Variants in FRMD5 observed in about 807,000 individuals in gnomAD.
FRMD5 encodes FERM domain containing 5, also known as FERM domain-containing protein 5.
In FRMD5, 20 loss-of-function variants were observed where a neutral mutation model predicts 69.0. The observed-to-expected ratio is 0.29, with a 90% CI of 0.20 to 0.42. The LOEUF (loss-of-function observed/expected upper bound fraction) is 0.42, where lower values mean the gene tolerates loss of function less well. Ranked by LOEUF, FRMD5 falls within the 10% of genes least tolerant of loss-of-function variation. The pLI is 1.00. For missense variants in FRMD5, 595 were observed against 708.6 expected, an observed-to-expected ratio of 0.84 and a Z score of 1.82; for synonymous variants, 271 against 260.1, an observed-to-expected ratio of 1.04 and a Z score of -0.40.
chr15:43,874,006 A>C lies in FRMD5; in HGVS notation c.1592T>G (p.Phe531Cys). 1 of 1,614,230 alleles carries C rather than the reference A, an allele frequency of 6.2e-7. No homozygotes were observed. The change falls in exon 14 of 14, where the codon TTT becomes TGT. Residue 531 changes from phenylalanine to cysteine, a missense_variant. Around this residue, in one of 5 missense-constraint regions of FRMD5, gnomAD observed 245 missense variants for 227.1 expected, o/e 1.08. Coordinates refer to ENST00000417257, the MANE Select transcript of FRMD5 (RefSeq NM_032892.5). ...ILTESDLDIA[F>C]FRDIRQTPEF... ...GGGGGTCTGGCGGATATCACGGAAA[A>C]AGGCAATGTCAAGGTCAGACTCGGT...
intron 1 of FRMD5, among the ~76,000 whole-genome samples, chr15:43,927,543 G>GAGGTATT (rs1213637884): frequency 6.6e-6 from 1 of 152,208 alleles, no homozygotes; most frequent in African/African-American, 2.4e-5. Context: ...AGAGCTTAAA[G>GAGGTATT]AGGTATTTCA....
At chr15:43,981,845 C>A (rs1165519520) in intron 1 of FRMD5, among the ~76,000 whole-genome samples, 1 of 152,232 alleles carries the variant, frequency 6.6e-6, no homozygotes, top group African/African-American at 2.4e-5. Context: ...TGTCTGTTAA[C>A]TCTTGCAGTT....
intron 1 of FRMD5, among the ~76,000 whole-genome samples, chr15:44,162,229 G>C (rs1161718452): frequency 6.7e-6 from 1 of 149,094 alleles, no homozygotes; most frequent in Non-Finnish European, 1.5e-5. Context: ...CTCCCAAAGT[G>C]CTGGGATTAC....
chr15:44,154,653 T>C (rs1336733834), intron 1 of FRMD5, among the ~76,000 whole-genome samples: 1 of 152,240 alleles, frequency 6.6e-6, no homozygotes, highest in African/African-American at 2.4e-5. Context: ...AAAACCTTTA[T>C]TGCAACTATT....
chr15:43,927,482 C>G (rs1049735376), intron 1 of FRMD5, among the ~76,000 whole-genome samples: 2 of 152,222 alleles, frequency 1.3e-5, no homozygotes, highest in Non-Finnish European at 2.9e-5. Flanking sequence ...TCAGAACTTT[C>G]TTTGTGCAGG....
chr15:44,042,388 AAAC>A (rs1892237070), intron 1 of FRMD5, among the ~76,000 whole-genome samples: 1 of 152,218 alleles, frequency 6.6e-6, no homozygotes, highest in South Asian at 2.1e-4. Context: ...AAATGATTCC[AAAC>A]AATAGAAAAA....
intron 1 of FRMD5, among the ~76,000 whole-genome samples, chr15:43,965,284 G>A (rs1227474911): frequency 6.6e-6 from 1 of 152,144 alleles, no homozygotes; most frequent in Non-Finnish European, 1.5e-5. Flanking sequence ...TTGATGACCT[G>A]TCAAAACCAT....
intron 1 of FRMD5, among the ~76,000 whole-genome samples, chr15:44,118,724 G>GGATT (rs2076905032): frequency 6.6e-6 from 1 of 152,156 alleles, no homozygotes; most frequent in Non-Finnish European, 1.5e-5. Flanking sequence ...TCCCCCGATG[G>GGATT]GATTCGAAAG....
At chr15:44,107,275 T>C (rs1360019493) in intron 1 of FRMD5, among the ~76,000 whole-genome samples, 1 of 151,644 alleles carries the variant, frequency 6.6e-6, no homozygotes, top group Non-Finnish European at 1.5e-5. Context: ...CAAGGAAGAG[T>C]GGTAATAAAG....
chr15:44,198,326 CAAAAA>C (rs35320478), upstream of FRMD5, among the ~76,000 whole-genome samples: 3 of 96,622 alleles, frequency 3.1e-5, no homozygotes, highest in Admixed American at 1.2e-4. Context: ...GATCCTGTCT[CAAAAA>C]AAAAAAAAAA....
At chr15:43,938,796 G>A (rs1207277514) in intron 1 of FRMD5, among the ~76,000 whole-genome samples, 2 of 152,120 alleles carry the variant, frequency 1.3e-5, no homozygotes, top group African/African-American at 4.8e-5. Context: ...AAAATGAGCA[G>A]CATTTAAAGC....
intron 1 of FRMD5, among the ~76,000 whole-genome samples, chr15:44,137,398 G>A (rs995829744): frequency 4.6e-5 from 7 of 152,152 alleles, no homozygotes; most frequent in Non-Finnish European, 5.9e-5. Context: ...CACTGTAAAC[G>A]CCAAACCACT....
intron 1 of FRMD5, chr15:44,064,119 C>A: frequency 4.6e-6 from 1 of 215,520 alleles, no homozygotes; most frequent in South Asian, 6.9e-5. Flanking sequence ...GTGGAATTTT[C>A]CAGAACATCA....
chr15:43,991,175 T>G (rs939947518), intron 1 of FRMD5, among the ~76,000 whole-genome samples: 1 of 152,236 alleles, frequency 6.6e-6, no homozygotes, highest in Non-Finnish European at 1.5e-5. Flanking sequence ...ATTGTAGAAC[T>G]GTATTTTACC....
intron 1 of FRMD5, among the ~76,000 whole-genome samples, chr15:43,940,999 T>C (rs1462622892): frequency 6.6e-6 from 1 of 152,198 alleles, no homozygotes; most frequent in Non-Finnish European, 1.5e-5. Context: ...GCAAACCCTA[T>C]GTTTTAAAAA....
chr15:43,971,128 T>C (rs2090369585), intron 1 of FRMD5, among the ~76,000 whole-genome samples: 1 of 151,952 alleles, frequency 6.6e-6, no homozygotes, highest in African/African-American at 2.4e-5. Flanking sequence ...TAAACCCAGC[T>C]ACTCATCAGG....
chr15:43,991,025 A>G (rs971382260), intron 1 of FRMD5, among the ~76,000 whole-genome samples: 1 of 152,216 alleles, frequency 6.6e-6, no homozygotes, highest in Non-Finnish European at 1.5e-5. Context: ...GAGCTCTGTA[A>G]TTTTCTTTCT....
Position 43,913,937 on chromosome 15 carries a change from A to C in FRMD5, c.330-3958T>G, listed in dbSNP as rs117997023. ...TGAGCTCTAGACCGGATTTAGGAGA[A>C]CACGCTTGCTTCTGAGGAAACTGGT... On this transcript the variant is annotated intron_variant, in intron 4 of 13. Coordinates refer to ENST00000417257, the MANE Select transcript of FRMD5 (RefSeq NM_032892.5). 6.0e-3 allele frequency among the ~76,000 whole-genome samples: 911 copies of C among 152,368 alleles called. 3 individuals are homozygous for C. The highest frequency in any genetic ancestry group is 9.5e-3 in the Non-Finnish European group (644 of 68,044).
At chr15:43,989,770 G>A (rs1889580330) in intron 1 of FRMD5, 2 of 999,348 alleles carry the variant, frequency 2.0e-6, no homozygotes, top group Non-Finnish European at 3.2e-6. Context: ...GGACAGCACG[G>A]CCTGGATGGC....
Sources: allele counts gnomAD v4.1 joint callset (sites outside exome capture counted in the v4.1 genomes callset), GRCh38; gene constraint gnomAD v4.1.1; regional missense constraint gnomAD v4.1.1; transcripts MANE v1.5; gene names NCBI Gene and HGNC (gene_info 2026-07-23, HGNC 2026-07-21).